Variants in DYNC1H1 observed in about 807,000 individuals in gnomAD.
DYNC1H1 encodes the protein cytoplasmic dynein 1 heavy chain 1.
In DYNC1H1, 51 loss-of-function variants were observed where a neutral mutation model predicts 527.1. The observed-to-expected ratio is 0.10, with a 90% confidence interval of 0.08 to 0.12. The LOEUF is 0.12. DYNC1H1 is among the 10% of genes least tolerant of loss of function. DYNC1H1 has a pLI of 1.00. For missense variants in DYNC1H1, 2,771 were observed against 5,971.8 expected, an observed-to-expected ratio of 0.46 and a Z score of 17.66; for synonymous variants, 2,189 against 2,278.8, an observed-to-expected ratio of 0.96 and a Z score of 1.12.
chr14:101,969,864 G>A (rs566506619), intron 1 of DYNC1H1, among the ~76,000 whole-genome samples: 5 of 152,318 alleles, frequency 3.3e-5, no homozygotes, highest in South Asian at 2.1e-4. Flanking sequence ...GTCAGCATCG[G>A]AGCATGTCAG....
chr14:101,980,005 A>G, intron 4 of DYNC1H1, 31 bp downstream of exon 4: 1 of 1,613,966 alleles, frequency 6.2e-7, no homozygotes, highest in Non-Finnish European at 8.5e-7. Flanking sequence ...GTTATGTAAA[A>G]TATGTTACTC....
chr14:102,009,295 T>C (rs1343945380), intron 29 of DYNC1H1: 3 of 159,922 alleles, frequency 1.9e-5, no homozygotes, highest in Admixed American at 1.2e-4. Flanking sequence ...ACTTGCCTTA[T>C]GGAGAATTCC....
chr14:102,030,011 G>A (rs901804361), intron 50 of DYNC1H1, 73 bp downstream of exon 50: 51 of 1,612,328 alleles, frequency 3.2e-5, no homozygotes, highest in Non-Finnish European at 4.2e-5. Context: ...AGGAAATGTA[G>A]TTCCAAATGG....
In DYNC1H1 at chr14:102,044,918, T is replaced by A. The variant is rs1751408394; in HGVS notation, c.13006+220T>A. The A allele has an allele frequency of 3.3e-6, 2 of 599,390 alleles. No homozygotes were observed. The highest frequency in any genetic ancestry group is 5.9e-6 in the Non-Finnish European group (2 of 336,762). 37.1% of individuals were successfully genotyped at this position (599,390 alleles called of 1,614,324 possible). On this transcript the variant is annotated intron_variant, in intron 72 of 77. Coordinates refer to ENST00000360184, the MANE Select transcript of DYNC1H1 (RefSeq NM_001376.5). This position sits in a 1 kb window ranked among gnomAD's most constrained non-coding sequence, Gnocchi z 7.1. Reference sequence around the variant, plus strand: ...GGAGGCAGAGGAAAGAACTGGCTCTTCTCTGCAGCATCAACTCAGTTCTAG... The same window carrying A: ...GGAGGCAGAGGAAAGAACTGGCTCTACTCTGCAGCATCAACTCAGTTCTAG...
chr14:102,039,195 T>C lies in DYNC1H1; in HGVS notation c.11401T>C (p.Tyr3801His). ...GGAGGTGGAGACCGTGTCCCAGCAG[T>C]ACCTCCCGCTCTCCACCGCCTGCAG... ...MQEVETVSQQ[Y>H]LPLSTACSSI... The change falls in exon 60 of 78, where the codon TAC (tyrosine) becomes CAC (histidine). Residue 3801 changes from tyrosine (Y) to histidine (H), a missense_variant. Physicochemically the swap from Tyr to His is moderately conservative, Grantham distance 83. Coordinates refer to ENST00000360184, the MANE Select transcript of DYNC1H1 (RefSeq NM_001376.5). The surrounding 1 kb of genome is among the most constrained non-coding windows in gnomAD (Gnocchi z 7.0). The C allele has an allele frequency of 6.2e-7, 1 of 1,614,084 alleles. No individual in the cohort carries two copies. Among genetic ancestry groups the C allele is most frequent in the East Asian group, 2.2e-5 (1 of 44,876 alleles).
intron 51 of DYNC1H1, chr14:102,030,654 A>C (rs1169441286): frequency 3.3e-6 from 1 of 300,678 alleles, no homozygotes; most frequent in East Asian, 8.9e-5. Flanking sequence ...ACTGTCTTGT[A>C]ATTGTTTCTG....
chr14:102,043,467 G>C, intron 69 of DYNC1H1: 1 of 326,664 alleles, frequency 3.1e-6, no homozygotes, highest in Non-Finnish European at 5.9e-6. Context: ...CCAGGTGGCA[G>C]GCAATCTCCT....
intron 69 of DYNC1H1, 173 bp from the exon 70 acceptor site, chr14:102,043,702 A>G (rs1010880874): frequency 3.9e-6 from 3 of 759,872 alleles, no homozygotes; most frequent in East Asian, 2.7e-5. Flanking sequence ...TGACACGTCT[A>G]TTAATAGAAA....
rs2048263992 is a variant in DYNC1H1 at position 102,012,001 on chromosome 14, G to T, written c.6745G>T (p.Gly2249Cys). The T allele has an allele frequency of 6.2e-7, 1 of 1,613,996 alleles. No individual in the cohort carries two copies. Among genetic ancestry groups the T allele is most frequent in the South Asian group, 1.1e-5 (1 of 91,082 alleles). The change falls in exon 33 of 78, where the codon GGT (glycine) becomes TGT (cysteine). Residue 2249 changes from glycine (G) to cysteine (C), a missense_variant. Coordinates refer to ENST00000360184, the MANE Select transcript of DYNC1H1 (RefSeq NM_001376.5). This position sits in a 1 kb window ranked among gnomAD's most constrained non-coding sequence, Gnocchi z 4.9. ...KALERLEGVE[G>C]VAHIIDPKAI... ...ATTGGAGAGACTCGAGGGTGTGGAA[G>T]GTGTGGCCCATATCATCGACCCCAA...
At chr14:101,989,586 A>G (rs17512131) in intron 10 of DYNC1H1, among the ~76,000 whole-genome samples, 154 of 152,356 alleles carry the variant, frequency 1.0e-3, no homozygotes, top group Non-Finnish European at 1.5e-3. Flanking sequence ...TACCAATAAA[A>G]AGGACTCACA....
At chr14:102,040,701 G>T (rs773205737) in intron 64 of DYNC1H1, 28 bp downstream of exon 64, 3 of 1,613,756 alleles carry the variant, frequency 1.9e-6, no homozygotes, top group Non-Finnish European at 2.5e-6. Context: ...TTTCTTTCTG[G>T]ACCTGAATGT....
At chr14:101,982,947 A>C (rs2047885552) in intron 5 of DYNC1H1, 72 bp from the exon 6 acceptor site, 1 of 1,555,978 alleles carries the variant, frequency 6.4e-7, no homozygotes, top group African/African-American at 1.4e-5. Context: ...GTTCCATTGT[A>C]ATGGCATATT....
intron 72 of DYNC1H1, among the ~76,000 whole-genome samples, chr14:102,046,046 T>A (rs1472751266): frequency 6.6e-6 from 1 of 151,776 alleles, no homozygotes; most frequent in Non-Finnish European, 1.5e-5. Flanking sequence ...CGGGCACCTG[T>A]AGTCCCAGCT....
rs2048599161 is a variant in DYNC1H1 at position 102,038,108 on chromosome 14, G to C, written c.10909-352G>C. ...CAATTCTGTCTCAGCCTCCCAGGTA[G>C]CTGGGACTACAGGCATGTGCCATAC... On this transcript the variant is annotated intron_variant, in intron 57 of 77. Transcript: ENST00000360184. The surrounding 1 kb of genome is among the most constrained non-coding windows in gnomAD (Gnocchi z 7.2). 1 of 357,402 alleles carries C rather than the reference G, an allele frequency of 2.8e-6. No individual in the cohort carries two copies. The highest frequency in any genetic ancestry group is 5.5e-6 in the Non-Finnish European group (1 of 183,092). 22.1% of individuals were successfully genotyped at this position (357,402 alleles called of 1,614,324 possible). A position where few individuals can be genotyped will look rare whatever the true frequency, so the allele number is the denominator to read the frequency against.
At chr14:101,994,917 A>G (rs1408083389) in intron 13 of DYNC1H1, 68 bp downstream of exon 13, 2 of 1,613,734 alleles carry the variant, frequency 1.2e-6, no homozygotes, top group South Asian at 1.1e-5. Flanking sequence ...TTAGACTGAT[A>G]TTCATTTGAA....
Position 102,033,608 on chromosome 14 carries a change from C to A in DYNC1H1, c.10413+124C>A. Reference sequence around the variant, plus strand: ...TTCGCTCTTTAACATCTGTAAGGCCCCGGAGGACTTTTTTCCTGGAAAATA... The same window carrying A: ...TTCGCTCTTTAACATCTGTAAGGCCACGGAGGACTTTTTTCCTGGAAAATA... On this transcript the variant is annotated intron_variant, in intron 54 of 77. Transcript: ENST00000360184. This position sits in a 1 kb window ranked among gnomAD's most constrained non-coding sequence, Gnocchi z 5.6. 1 of 1,290,482 alleles carries A rather than the reference C, an allele frequency of 7.7e-7. No homozygotes were observed. The allele number at this position is 1,290,482 out of a possible 1,614,324, so 79.9% of individuals were successfully genotyped here. A position where few individuals can be genotyped will look rare whatever the true frequency, so the allele number is the denominator to read the frequency against.
At chr14:101,992,104 T>G (rs1210737930) in intron 11 of DYNC1H1, among the ~76,000 whole-genome samples, 1 of 152,186 alleles carries the variant, frequency 6.6e-6, no homozygotes, top group South Asian at 2.1e-4. Context: ...AAATCTCAGA[T>G]ATAATATACT....
Position 102,042,596 on chromosome 14 carries a change from T to C in DYNC1H1, c.12400-39T>C. The C allele has an allele frequency of 6.2e-7, 1 of 1,613,878 alleles. No individual in the cohort carries two copies. Among genetic ancestry groups the C allele is most frequent in the Non-Finnish European group, 8.5e-7 (1 of 1,179,924 alleles). On this transcript the variant is annotated intron_variant, in intron 68 of 77. Coordinates refer to ENST00000360184, the MANE Select transcript of DYNC1H1 (RefSeq NM_001376.5). This position sits in a 1 kb window ranked among gnomAD's most constrained non-coding sequence, Gnocchi z 5.7. ...TGGTGGAATTGAACAGGCGCCCTCA[T>C]CCACACCCGAGCATAACTGGAACGG... is the stretch of plus-strand genomic sequence containing the variant.
At position 102,002,101 on chromosome 14, in the gene DYNC1H1, C is replaced by A. The variant is rs1326388867; in HGVS notation, c.4542+420C>A. Among the ~76,000 whole-genome samples the A allele has an allele frequency of 6.7e-6, 1 of 150,028 alleles. No homozygotes were observed. Among genetic ancestry groups the A allele is most frequent in the African/African-American group, 2.5e-5 (1 of 40,752 alleles). Reference sequence around the variant, plus strand: ...ACTTGTTTTTTTGTTTGTTTGCTTGCTTTTTTGTTTTTTTTTTTTCTTTTT... The same window carrying A: ...ACTTGTTTTTTTGTTTGTTTGCTTGATTTTTTGTTTTTTTTTTTTCTTTTT... On this transcript the variant is annotated intron_variant, in intron 21 of 77. Coordinates refer to ENST00000360184, the MANE Select transcript of DYNC1H1 (RefSeq NM_001376.5). This position sits in a 1 kb window ranked among gnomAD's most constrained non-coding sequence, Gnocchi z 4.4.
Sources: allele counts gnomAD v4.1 joint callset (sites outside exome capture counted in the v4.1 genomes callset), GRCh38; gene constraint gnomAD v4.1.1; non-coding constraint Gnocchi (gnomAD v3.1); transcripts MANE v1.5; gene names NCBI Gene and HGNC (gene_info 2026-07-23, HGNC 2026-07-21).